Variants in CRB1 observed in about 807,000 individuals in gnomAD.
CRB1 encodes the protein crumbs cell polarity complex component 1, also known as protein crumbs homolog 1.
Under a neutral mutation model 120.0 loss-of-function variants are expected in CRB1, and 83 were observed. That is an observed-to-expected ratio of 0.69 (90% confidence interval 0.58 to 0.83). The LOEUF is 0.83. CRB1 is among the 40% of genes least tolerant of loss of function. The pLI is 0.00. For missense variants in CRB1, 1,699 were observed against 1,687.6 expected, an observed-to-expected ratio of 1.01 and a Z score of -0.12; for synonymous variants, 625 against 612.5, an observed-to-expected ratio of 1.02 and a Z score of -0.30.
chr1:197,408,340 C>T (rs552058261), intron 5 of CRB1, among the ~76,000 whole-genome samples: 10 of 151,874 alleles, frequency 6.6e-5, no homozygotes, highest in African/African-American at 7.2e-5. Flanking sequence ...TTTGAAAAAA[C>T]GAAAGAGAGA....
chr1:197,261,648 T>A, the CRB1 span, among the ~76,000 whole-genome samples: 1 of 152,204 alleles, frequency 6.6e-6, no homozygotes, highest in East Asian at 1.9e-4. Flanking sequence ...AATGATTACT[T>A]CTGGAGAGGA....
chr1:197,449,112 T>C (rs1665834907), intron 11 of CRB1, among the ~76,000 whole-genome samples: 1 of 152,200 alleles, frequency 6.6e-6, no homozygotes, highest in African/African-American at 2.4e-5. Flanking sequence ...ACTATGTCAG[T>C]GTGCATTTTT....
At chr1:197,295,960 CTCT>C (rs1426610201) in intron 1 of CRB1, among the ~76,000 whole-genome samples, 1 of 135,088 alleles carries the variant, frequency 7.4e-6, no homozygotes, top group Non-Finnish European at 1.6e-5. Flanking sequence ...AGCATCTTAA[CTCT>C]TCTAAGATTT....
the CRB1 span, among the ~76,000 whole-genome samples, chr1:197,209,732 C>A: frequency 6.6e-6 from 1 of 152,236 alleles, no homozygotes; most frequent in East Asian, 1.9e-4. Flanking sequence ...TCCCTGGGGA[C>A]CAAGAATGCG....
chr1:197,418,096 AG>A (rs1664100793), intron 5 of CRB1, among the ~76,000 whole-genome samples: 1 of 152,104 alleles, frequency 6.6e-6, no homozygotes, highest in Admixed American at 6.5e-5. Flanking sequence ...GTTTCAAGAT[AG>A]GGTAGGAGAA....
chr1:197,354,403 G>C (rs1003252539), intron 4 of CRB1, among the ~76,000 whole-genome samples: 10 of 152,102 alleles, frequency 6.6e-5, no homozygotes, highest in Non-Finnish European at 1.2e-4. Flanking sequence ...ACAGACCCTC[G>C]CAGTGAGTGT....
chr1:197,293,306 T>A (rs1288750453), intron 1 of CRB1, among the ~76,000 whole-genome samples: 2 of 152,036 alleles, frequency 1.3e-5, no homozygotes, highest in African/African-American at 4.8e-5. Context: ...TGAACTCCCA[T>A]TCACAATTGC....
chr1:197,446,263 G>A (rs539802159), intron 11 of CRB1, among the ~76,000 whole-genome samples: 6 of 152,134 alleles, frequency 3.9e-5, no homozygotes, highest in Non-Finnish European at 8.8e-5. Context: ...AGCTGTAAGG[G>A]AGCATATAAG....
chr1:197,318,874 G>A (rs554944665), intron 1 of CRB1, among the ~76,000 whole-genome samples: 1 of 152,192 alleles, frequency 6.6e-6, no homozygotes, highest in Non-Finnish European at 1.5e-5. Context: ...ATTGGCCAAT[G>A]GGTGCAAAGT....
chr1:197,463,557 CTCTA>C (rs532868493), intron 11 of CRB1, among the ~76,000 whole-genome samples: 7 of 152,094 alleles, frequency 4.6e-5, no homozygotes, highest in Non-Finnish European at 8.8e-5. Flanking sequence ...TTATATAGTG[CTCTA>C]TCTAAGGATG....
intron 5 of CRB1, among the ~76,000 whole-genome samples, chr1:197,407,150 G>A (rs1663453464): frequency 6.6e-6 from 1 of 152,148 alleles, no homozygotes; most frequent in Admixed American, 6.5e-5. Context: ...TACTAAGAAA[G>A]AATGAAGTGG....
At chr1:197,386,948 C>T (rs564745377) in intron 5 of CRB1, among the ~76,000 whole-genome samples, 23 of 152,046 alleles carry the variant, frequency 1.5e-4, no homozygotes, top group African/African-American at 1.2e-4. Flanking sequence ...GTATTGGCTA[C>T]GACAATTTCA....
chr1:197,238,993 G>A, the CRB1 span, among the ~76,000 whole-genome samples: 2 of 151,990 alleles, frequency 1.3e-5, no homozygotes, highest in Non-Finnish European at 2.9e-5. Flanking sequence ...GCGTATTTAT[G>A]TATGGAACAG....
intron 5 of CRB1, among the ~76,000 whole-genome samples, chr1:197,381,609 T>C (rs1661962079): frequency 6.6e-6 from 1 of 152,192 alleles, no homozygotes. Context: ...ATAATACACA[T>C]AGTTTGGTCA....
chr1:197,245,416 A>G, the CRB1 span, among the ~76,000 whole-genome samples: 2,172 of 152,140 alleles, frequency 0.014, 51 homozygotes, highest in African/African-American at 0.046. Flanking sequence ...AGGATCACTT[A>G]GGCCCAGGAG....
intron 11 of CRB1, among the ~76,000 whole-genome samples, chr1:197,453,511 T>C (rs1330810908): frequency 7.8e-6 from 1 of 128,010 alleles, no homozygotes; most frequent in African/African-American, 2.7e-5. Context: ...TGTGTATATA[T>C]ATGTGTGTGT....
At chr1:197,377,184 G>A (rs1661694825) in intron 5 of CRB1, among the ~76,000 whole-genome samples, 1 of 151,826 alleles carries the variant, frequency 6.6e-6, no homozygotes, top group African/African-American at 2.4e-5. Context: ...ACTTATCACT[G>A]TGTGATCTTA....
At chr1:197,307,000 A>T (rs996402030) in intron 1 of CRB1, among the ~76,000 whole-genome samples, 4 of 152,188 alleles carry the variant, frequency 2.6e-5, no homozygotes, top group African/African-American at 9.6e-5. Context: ...AACAAATGTT[A>T]TGTCTGAAAA....
intron 1 of CRB1, among the ~76,000 whole-genome samples, chr1:197,320,247 T>C (rs1200944755): frequency 6.6e-6 from 1 of 152,212 alleles, no homozygotes; most frequent in Non-Finnish European, 1.5e-5. Flanking sequence ...GGGCTCTTGC[T>C]TTACTAATAC....
Sources: allele counts gnomAD v4.1 joint callset (sites outside exome capture counted in the v4.1 genomes callset), GRCh38; gene constraint gnomAD v4.1.1; transcripts MANE v1.5; gene names NCBI Gene and HGNC (gene_info 2026-07-23, HGNC 2026-07-21).